The following ICE2 variants were observed in gnomAD, a reference collection of about 807,000 sequenced individuals.
ICE2 encodes interactor of little elongation complex ELL subunit 2.
A neutral mutation model predicts 105.4 loss-of-function variants in ICE2; 87 were observed. The ratio of observed to expected loss-of-function variants is 0.83; its 90% CI spans 0.69 to 0.99. The LOEUF (loss-of-function observed/expected upper bound fraction) is 0.99. ICE2 is among the 50% of genes least tolerant of loss of function. The pLI, the probability that ICE2 is intolerant of heterozygous loss-of-function variation, is 0.00. For synonymous variants in ICE2, 399 were observed against 392.0 expected (o/e 1.02, Z -0.21); for missense variants, 1,323 against 1,146.7 (o/e 1.15, Z -2.22).
In ICE2 at chr15:60,423,751, C is replaced by T. The variant is rs1230892304; in HGVS notation, c.2832G>A (p.Thr944=). ...TCCTGTGGCTGCGTGTAGGCATTCT[C>T]GTTCCACCAATCTAAGAGATGAAGC... ...DTTTQQKIGG[T]RMPTRSHRNP... is the part of the protein sequence containing the mutation. Residue 944 remains threonine (T), a synonymous_variant, in exon 16 of 16, where the codon ACG becomes ACA. Transcript: ENST00000261520. The T allele has an allele frequency of 3.8e-6, 6 of 1,590,570 alleles. No individual in the cohort carries two copies. Among genetic ancestry groups the T allele is most frequent in the Non-Finnish European group, 5.1e-6 (6 of 1,172,232 alleles).
At chr15:60,443,080 T>C (rs556634505) in intron 11 of ICE2, 2 of 152,364 alleles carry the variant, frequency 1.3e-5, no homozygotes, top group South Asian at 4.1e-4. Context: ...TGTTTGTCAT[T>C]ATCTTCAATT....
At chr15:60,458,510 G>C (rs903371509) in intron 5 of ICE2, among the ~76,000 whole-genome samples, 4 of 152,198 alleles carry the variant, frequency 2.6e-5, no homozygotes, top group Non-Finnish European at 5.9e-5. Flanking sequence ...GCAGTGAGCA[G>C]TAAGAAAACC....
rs775992307 is a variant in ICE2 at position 60,423,605 on chromosome 15, T to C, written c.*29A>G. ...AATTAAACACTGTTATAACTGTTTT[T>C]TTAAATTTAGTTTTCCATGGTACAG... On this transcript the variant is annotated 3_prime_UTR_variant, in exon 16 of 16. Transcript: ENST00000261520. 1.9e-6 allele frequency: 3 copies of C among 1,579,736 alleles called. No individual in the cohort carries two copies. The African/African-American group carries it at 4.1e-5, about 22-fold the overall frequency.
intron 3 of ICE2, among the ~76,000 whole-genome samples, chr15:60,469,565 G>C (rs972671500): frequency 6.6e-6 from 1 of 152,180 alleles, no homozygotes; most frequent in African/African-American, 2.4e-5. Flanking sequence ...AAGGGTATTT[G>C]TTCAGGAACT....
intron 5 of ICE2, among the ~76,000 whole-genome samples, chr15:60,460,655 A>C (rs1595800893): frequency 6.6e-6 from 1 of 152,178 alleles, no homozygotes; most frequent in African/African-American, 2.4e-5. Flanking sequence ...TGTCCAGTAC[A>C]CTGTAGGATA....
chr15:60,450,001 C>T (rs1378922996), intron 9 of ICE2, among the ~76,000 whole-genome samples, 160 bp from the exon 10 acceptor site: 1 of 152,154 alleles, frequency 6.6e-6, no homozygotes, highest in East Asian at 1.9e-4. Context: ...CAACAAACTA[C>T]TACCAGCTAT....
chr15:60,450,653 C>T (rs2063943595), intron 9 of ICE2, among the ~76,000 whole-genome samples: 1 of 152,178 alleles, frequency 6.6e-6, no homozygotes. Flanking sequence ...CTAACAGTCA[C>T]CAGCAGTGAG....
intron 15 of ICE2, among the ~76,000 whole-genome samples, chr15:60,424,412 T>C (rs992293403): frequency 3.8e-3 from 32 of 8,480 alleles, no homozygotes; most frequent in Non-Finnish European, 6.3e-3. Context: ...GAAGGGGGAA[T>C]ACAGAGGATG....
At chr15:60,435,264 G>C (rs181032411) in intron 13 of ICE2, among the ~76,000 whole-genome samples, 38 of 147,324 alleles carry the variant, frequency 2.6e-4, no homozygotes, top group Admixed American at 2.0e-4. Flanking sequence ...CTGGGCAACA[G>C]AGCGAGACTC....
At chr15:60,434,173 T>G (rs2063526796) in intron 13 of ICE2, among the ~76,000 whole-genome samples, 1 of 151,714 alleles carries the variant, frequency 6.6e-6, no homozygotes, top group East Asian at 1.9e-4. Context: ...CTAGAAGTTG[T>G]GAGATGAAAA....
At position 60,423,444 on chromosome 15, in the gene ICE2, C is replaced by T. The variant is rs3068; in HGVS notation, c.*190G>A. Reference sequence around the variant, plus strand: ...ACATATCAAGATCCTCCTCAAACTTCAAGGGTGAAAAGCATACCATTCCAT... The same window carrying T: ...ACATATCAAGATCCTCCTCAAACTTTAAGGGTGAAAAGCATACCATTCCAT... On this transcript the variant is annotated 3_prime_UTR_variant, in exon 16 of 16. Transcript: ENST00000261520. 0.56 allele frequency: 233,372 copies of T among 419,704 alleles called. 69,518 individuals are homozygous for T. Among genetic ancestry groups the T allele is most frequent in the East Asian group, 0.95 (22,322 of 23,600 alleles). The allele number at this position is 419,704 out of a possible 1,614,324, so 26.0% of individuals were successfully genotyped here.
At chr15:60,444,732 T>G (rs1417037432) in intron 11 of ICE2, among the ~76,000 whole-genome samples, 1 of 152,282 alleles carries the variant, frequency 6.6e-6, no homozygotes, top group Admixed American at 6.5e-5. Flanking sequence ...TTGTCTAGGC[T>G]GGAGTACAAT....
At chr15:60,438,245 C>T (rs145520692) in intron 12 of ICE2, 1 of 152,106 alleles carries the variant, frequency 6.6e-6, no homozygotes, top group Non-Finnish European at 1.5e-5. Context: ...ATGTTGAAGA[C>T]AAATTGTTTT....
rs2063232487 is a variant in ICE2, at chr15:60,420,484, G to C, written c.*3150C>G. Reference sequence around the variant, plus strand: ...AAGAGCCCTTTTCAAATACATATCTGATCATGTCAGTTAATTAACCTTCAC... The same window carrying C: ...AAGAGCCCTTTTCAAATACATATCTCATCATGTCAGTTAATTAACCTTCAC... On this transcript the variant is annotated 3_prime_UTR_variant, in exon 16 of 16. Coordinates refer to ENST00000261520, the MANE Select transcript of ICE2 (RefSeq NM_024611.6). 1 of 152,118 alleles carries C rather than the reference G, an allele frequency of 6.6e-6. No homozygotes were observed. Among genetic ancestry groups the C allele is most frequent in the Non-Finnish European group, 1.5e-5 (1 of 68,052 alleles). The allele number at this position is 152,118 out of a possible 1,614,324, so 9.4% of individuals were successfully genotyped here. A position where few individuals can be genotyped will look rare whatever the true frequency, so the allele number is the denominator to read the frequency against.
At chr15:60,445,445 T>A in intron 11 of ICE2, 1 of 370,914 alleles carries the variant, frequency 2.7e-6, no homozygotes, top group Non-Finnish European at 3.7e-6. Context: ...CCAAGGGGCA[T>A]ACATTTTACT....
chr15:60,429,273 T>A (rs1484173193), intron 14 of ICE2, among the ~76,000 whole-genome samples: 1 of 152,202 alleles, frequency 6.6e-6, no homozygotes, highest in Non-Finnish European at 1.5e-5. Flanking sequence ...CAAATTTATT[T>A]TCTATTAGAT....
Position 60,423,590 on chromosome 15 carries a change from T to C in ICE2, c.*44A>G. 3 of 1,550,200 alleles carry C rather than the reference T, an allele frequency of 1.9e-6. No individual in the cohort carries two copies. The highest frequency in any genetic ancestry group is 2.4e-4 in the Middle Eastern group (1 of 4,238). On this transcript the variant is annotated 3_prime_UTR_variant, in exon 16 of 16. Transcript: ENST00000261520. ...CCTCAAACTTATCTAAATTAAACAC[T>C]GTTATAACTGTTTTTTTAAATTTAG...
chr15:60,446,487 C>T (rs1256666469), intron 11 of ICE2, among the ~76,000 whole-genome samples: 1 of 152,132 alleles, frequency 6.6e-6, no homozygotes, highest in Non-Finnish European at 1.5e-5. Context: ...GCTCCGCCTC[C>T]CAGGTTCACG....
chr15:60,425,542 A>G (rs2063322585), intron 15 of ICE2, among the ~76,000 whole-genome samples: 1 of 152,184 alleles, frequency 6.6e-6, no homozygotes, highest in Admixed American at 6.5e-5. Context: ...AGCAAATGGG[A>G]CCCTTAAATA....
Sources: allele counts gnomAD v4.1 joint callset (sites outside exome capture counted in the v4.1 genomes callset), GRCh38; gene constraint gnomAD v4.1.1; transcripts MANE v1.5; gene names NCBI Gene and HGNC (gene_info 2026-07-23, HGNC 2026-07-21).